SVIL: variants seen among roughly 807,000 people sequenced by gnomAD.
The protein encoded by SVIL is supervillin, also known as archvillin.
A neutral mutation model predicts 240.4 loss-of-function variants in SVIL; 101 were observed. The observed-to-expected ratio is 0.42, with a 90% CI of 0.36 to 0.50. The LOEUF is 0.50. Ranked by LOEUF, SVIL falls within the 20% of genes least tolerant of loss-of-function variation. The pLI is 0.01. For missense variants in SVIL, 2,512 were observed against 2,818.7 expected, an observed-to-expected ratio of 0.89 and a Z score of 2.46; for synonymous variants, 999 against 1,100.0, an observed-to-expected ratio of 0.91 and a Z score of 1.82.
rs370088577 is a variant in SVIL at position 29,629,817 on chromosome 10, A to AT, written c.-201+4602dup. 4.0e-4 allele frequency among the ~76,000 whole-genome samples: 57 copies of AT among 143,656 alleles called. 1 individual carries two copies. Among genetic ancestry groups the AT allele is most frequent in the Admixed American group, 1.9e-3 (26 of 13,810 alleles). The allele number at this position is 143,656 out of a possible 152,430, so 94.2% of individuals were successfully genotyped here. A position where few individuals can be genotyped will look rare whatever the true frequency, so the allele number is the denominator to read the frequency against. ...ACATAGTGAGACCCCTGCCTCTAGA[A>AT]TTTTTTTTTTTAATTAGCTGGGCAT... On this transcript the variant is annotated intron_variant, in intron 1 of 37. Transcript: ENST00000355867.
chr10:29,665,280 T>C (rs991639402), intron 2 of SVIL, among the ~76,000 whole-genome samples: 2 of 150,564 alleles, frequency 1.3e-5, no homozygotes, highest in African/African-American at 4.9e-5. Flanking sequence ...TCCCAGGAGC[T>C]TGCAGTAGAG....
chr10:29,512,752 G>A lies in SVIL; in HGVS notation c.3499C>T (p.Arg1167Trp), dbSNP rs577282097. The A allele has an allele frequency of 1.9e-5, 31 of 1,614,034 alleles. No homozygotes were observed. In the East Asian group the frequency reaches 3.8e-4, roughly 20 times the overall value. Reference sequence around the variant, plus strand: ...AATGTTACCTTCTTGATGAGGGACCGCCCTGCTTCCTGGGTGTGCAGGCTG... The same window carrying A: ...AATGTTACCTTCTTGATGAGGGACCACCCTGCTTCCTGGGTGTGCAGGCTG... The part of the protein sequence containing the change: ...ASSLHTQEAG[R>W]SLIKKRVTES... Residue 1167 changes from arginine to tryptophan, a missense_variant, in exon 17 of 38, where the codon CGG becomes TGG. Physicochemically the swap from Arg to Trp is moderately radical, Grantham distance 101 (BLOSUM62 -3). Coordinates refer to ENST00000355867, the MANE Select transcript of SVIL (RefSeq NM_021738.3).
rs79246152 is a variant in SVIL, at chr10:29,716,683, A to T, written c.-400+19068T>A. 1.6e-3 allele frequency among the ~76,000 whole-genome samples: 251 copies of T among 152,336 alleles called. 2 individuals are homozygous for T. The highest frequency in any genetic ancestry group is 5.7e-3 in the African/African-American group (238 of 41,574). On this transcript the variant is annotated intron_variant, in intron 1 of 35. Coordinates refer to the SVIL transcript ENST00000375400. ...TCACTCAAAATAAGAATGGCCAAAA[A>T]AATTGTTTTAATGATTTTTTACATC...
At chr10:29,476,956 G>A (rs1369272288) in intron 29 of SVIL, among the ~76,000 whole-genome samples, 1 of 152,000 alleles carries the variant, frequency 6.6e-6, no homozygotes, top group Non-Finnish European at 1.5e-5. Flanking sequence ...TCCGCCTCCC[G>A]GGTTCAAGCG....
At chr10:29,549,065 C>CA (rs1181309360) in intron 6 of SVIL, among the ~76,000 whole-genome samples, 1 of 151,474 alleles carries the variant, frequency 6.6e-6, no homozygotes, top group African/African-American at 2.4e-5. Flanking sequence ...AAACTACCAT[C>CA]AGAGTGAACA....
intron 3 of SVIL, among the ~76,000 whole-genome samples, chr10:29,654,721 G>A (rs978608586): frequency 6.6e-6 from 1 of 152,178 alleles, no homozygotes; most frequent in Non-Finnish European, 1.5e-5. Flanking sequence ...AAGACTGGCA[G>A]CCTGTCTCCA....
rs544290814 is a variant in SVIL, at chr10:29,505,491, A to G, written c.3517-6228T>C. On this transcript the variant is annotated intron_variant, in intron 17 of 37. Transcript: ENST00000355867. The stretch of plus-strand genomic sequence containing the variant: ...TCTGGAAAAGGCAAAACCATGTGAC[A>G]GTAAAAAATGACCGGTTGCCAAGGA... 2.6e-5 allele frequency among the ~76,000 whole-genome samples: 4 copies of G among 152,324 alleles called. No individual in the cohort carries two copies. In the East Asian group the frequency reaches 5.8e-4, roughly 22 times the overall value.
At chr10:29,539,507 T>C in intron 6 of SVIL, among the ~76,000 whole-genome samples, 1 of 152,088 alleles carries the variant, frequency 6.6e-6, no homozygotes. Flanking sequence ...TGTATTTGGG[T>C]GAGGTTATCT....
At chr10:29,506,678 TA>T (rs752556804) in intron 17 of SVIL, among the ~76,000 whole-genome samples, 23 of 127,078 alleles carry the variant, frequency 1.8e-4, no homozygotes, top group Non-Finnish European at 2.8e-4. Flanking sequence ...ACAGAGGCCC[TA>T]TGAGGGAGGG....
intron 17 of SVIL, among the ~76,000 whole-genome samples, chr10:29,503,224 C>T (rs1484204834): frequency 6.6e-6 from 1 of 152,036 alleles, no homozygotes; most frequent in Non-Finnish European, 1.5e-5. Context: ...AATTTCAGTC[C>T]CTCGTCACTG....
At chr10:29,567,228 C>T (rs951063208) in intron 2 of SVIL, among the ~76,000 whole-genome samples, 5 of 152,190 alleles carry the variant, frequency 3.3e-5, no homozygotes, top group Non-Finnish European at 7.4e-5. Context: ...CATAGCAGCA[C>T]GGGGGAATTT....
At chr10:29,689,347 C>T (rs868749024) in intron 1 of SVIL, among the ~76,000 whole-genome samples, 5 of 152,066 alleles carry the variant, frequency 3.3e-5, no homozygotes, top group Non-Finnish European at 5.9e-5. Flanking sequence ...TGCCCTGGCG[C>T]GATCTCAGCT....
chr10:29,509,635 G>C (rs1483001184), intron 17 of SVIL, among the ~76,000 whole-genome samples: 2 of 152,046 alleles, frequency 1.3e-5, no homozygotes, highest in Admixed American at 1.3e-4. Context: ...GATCACCTGA[G>C]GTTGGGAGTT....
intron 1 of SVIL, among the ~76,000 whole-genome samples, chr10:29,715,060 G>A (rs2132677699): frequency 6.6e-6 from 1 of 151,562 alleles, no homozygotes; most frequent in East Asian, 1.9e-4. Context: ...ATTTTGTGAA[G>A]GCAGTACAAA....
intron 1 of SVIL, among the ~76,000 whole-genome samples, chr10:29,572,867 T>C (rs1247655816): frequency 6.6e-6 from 1 of 151,848 alleles, no homozygotes; most frequent in African/African-American, 2.4e-5. Flanking sequence ...TTATAAAGAA[T>C]GTAACAGTTT....
intron 2 of SVIL, chr10:29,658,078 G>A (rs1318942735): frequency 6.6e-6 from 1 of 152,260 alleles, no homozygotes; most frequent in East Asian, 1.9e-4. Flanking sequence ...TCTGAAAAAG[G>A]ACAAAGTCTC....
At chr10:29,466,186 G>C (rs1564454777) in intron 33 of SVIL, among the ~76,000 whole-genome samples, 1 of 151,564 alleles carries the variant, frequency 6.6e-6, no homozygotes, top group Non-Finnish European at 1.5e-5. Context: ...TCTATACACA[G>C]ATATATGTAT....
At chr10:29,619,434 G>A (rs1424018909) in intron 1 of SVIL, among the ~76,000 whole-genome samples, 1 of 152,196 alleles carries the variant, frequency 6.6e-6, no homozygotes, top group Non-Finnish European at 1.5e-5. Flanking sequence ...GGTCAAGAGT[G>A]TTTACTCTTC....
intron 2 of SVIL, among the ~76,000 whole-genome samples, chr10:29,684,945 G>A (rs535996855): frequency 5.8e-4 from 88 of 152,074 alleles, no homozygotes; most frequent in African/African-American, 2.0e-3. Context: ...TAGGTTCAGG[G>A]GTATTACACG....
Sources: gnomAD v4.1 joint callset for allele counts (sites outside exome capture counted in the v4.1 genomes callset) on GRCh38, gnomAD v4.1.1 for gene constraint, MANE v1.5 for transcripts, NCBI Gene and HGNC (gene_info 2026-07-23, HGNC 2026-07-21) for gene names.